Variants in SLC5A8 observed in about 807,000 individuals in gnomAD.
SLC5A8 encodes the protein sodium-coupled monocarboxylate transporter 1.
In SLC5A8, 55 loss-of-function variants were observed where a neutral mutation model predicts 71.9. That is an observed-to-expected ratio of 0.77 (90% confidence interval 0.62 to 0.96). The LOEUF is 0.96. SLC5A8 is among the 40% of genes least tolerant of loss of function. The probability of loss-of-function intolerance (pLI) is 0.00; values close to 1 mark genes in which losing one functional copy is unlikely to be tolerated. For synonymous variants in SLC5A8, 307 were observed against 276.1 expected (o/e 1.11, Z -1.11); for missense variants, 701 against 745.3 (o/e 0.94, Z 0.69).
At chr12:101,198,324 A>G (rs1339264025) in intron 3 of SLC5A8, among the ~76,000 whole-genome samples, 1 of 151,970 alleles carries the variant, frequency 6.6e-6, no homozygotes, top group Non-Finnish European at 1.5e-5. Context: ...TGAAATAGAA[A>G]ACAAAGAAAA....
intron 6 of SLC5A8, among the ~76,000 whole-genome samples, chr12:101,189,812 C>T (rs1169440512): frequency 6.6e-6 from 1 of 152,198 alleles, no homozygotes; most frequent in Non-Finnish European, 1.5e-5. Context: ...CCATCCTCCA[C>T]CTTCACATCA....
chr12:101,202,610 C>G (rs759380989), intron 2 of SLC5A8, among the ~76,000 whole-genome samples: 15 of 151,880 alleles, frequency 9.9e-5, no homozygotes, highest in Admixed American at 2.0e-4. Flanking sequence ...AACTGTTAAT[C>G]CCTGCATAAT....
chr12:101,171,988 T>C (rs1199923757), intron 10 of SLC5A8, among the ~76,000 whole-genome samples: 1 of 152,066 alleles, frequency 6.6e-6, no homozygotes, highest in Non-Finnish European at 1.5e-5. Flanking sequence ...TACAGAGCAA[T>C]GACAGGTGAA....
At chr12:101,158,915 G>T (rs541547884) in intron 13 of SLC5A8, among the ~76,000 whole-genome samples, 1 of 139,830 alleles carries the variant, frequency 7.2e-6, no homozygotes, top group East Asian at 2.1e-4. Flanking sequence ...GCTGACTGAC[G>T]TTTGATCCAA....
At chr12:101,158,199 A>T (rs1263673039) in intron 14 of SLC5A8, 50 bp downstream of exon 14, 1 of 1,254,472 alleles carries the variant, frequency 8.0e-7, no homozygotes. Flanking sequence ...TGTTCTATCC[A>T]GGTAATAAAG....
chr12:101,197,478 A>G (rs1566322894), intron 3 of SLC5A8, among the ~76,000 whole-genome samples: 1 of 152,176 alleles, frequency 6.6e-6, no homozygotes, highest in African/African-American at 2.4e-5. Context: ...TCTAACTACT[A>G]CTAGTAAACT....
chr12:101,159,833 G>T (rs1006084859), intron 13 of SLC5A8, among the ~76,000 whole-genome samples: 2 of 152,186 alleles, frequency 1.3e-5, no homozygotes, highest in Non-Finnish European at 2.9e-5. Context: ...AGGGAGACTG[G>T]TTAGGTGTAT....
In SLC5A8 at chr12:101,168,117, C is replaced by CA; in HGVS notation, c.1298dup (p.Leu433PhefsTer36). 5 of 1,609,288 alleles carry CA rather than the reference C, an allele frequency of 3.1e-6. No individual in the cohort carries two copies. Among genetic ancestry groups the CA allele is most frequent in the Non-Finnish European group, 4.2e-6 (5 of 1,177,640 alleles). ...TTACAATTGAGTTGGCAAAGGGAACCAAAATGCCCAAAGCGAACAGGCCCA... is the reference window on the plus strand; with the variant it reads ...TTACAATTGAGTTGGCAAAGGGAACCAAAAATGCCCAAAGCGAACAGGCCCA... On this transcript the variant is annotated frameshift_variant, in exon 11 of 15. Coordinates refer to ENST00000536262, the MANE Select transcript of SLC5A8 (RefSeq NM_145913.5). LOFTEE classifies it high-confidence loss of function.
chr12:101,179,976 T>A (rs1409775141), intron 10 of SLC5A8, 53 bp downstream of exon 10: 1 of 1,589,312 alleles, frequency 6.3e-7, no homozygotes, highest in African/African-American at 1.3e-5. Context: ...CACATCAACA[T>A]TGAAAAAAGA....
chr12:101,208,302 G>A (rs1869760484), intron 1 of SLC5A8, among the ~76,000 whole-genome samples: 1 of 152,172 alleles, frequency 6.6e-6, no homozygotes, highest in South Asian at 2.1e-4. Context: ...CAGGCAGAGT[G>A]TGTCACCAAT....
At chr12:101,196,980 G>A (rs533268752) in intron 3 of SLC5A8, among the ~76,000 whole-genome samples, 1 of 152,314 alleles carries the variant, frequency 6.6e-6, no homozygotes, top group Admixed American at 6.5e-5. Context: ...AAAATCAGGA[G>A]GAACTTAAGG....
At chr12:101,166,369 T>C (rs779460642) in intron 12 of SLC5A8, 125 bp downstream of exon 12, 34 of 691,122 alleles carry the variant, frequency 4.9e-5, no homozygotes, top group Non-Finnish European at 6.9e-5. Context: ...GCTAACCACA[T>C]GGGTTTTACT....
intron 3 of SLC5A8, among the ~76,000 whole-genome samples, chr12:101,198,829 G>C (rs1040249862): frequency 1.3e-5 from 2 of 151,886 alleles, no homozygotes; most frequent in South Asian, 4.1e-4. Flanking sequence ...ATATAAAAAG[G>C]ATAATACATT....
At chr12:101,187,798 G>T (rs915791843) in intron 6 of SLC5A8, among the ~76,000 whole-genome samples, 11 of 152,122 alleles carry the variant, frequency 7.2e-5, no homozygotes, top group Non-Finnish European at 1.0e-4. Flanking sequence ...CTTTATAAAG[G>T]TACCTAGTTA....
chr12:101,189,850 A>C (rs564714518), intron 6 of SLC5A8, among the ~76,000 whole-genome samples: 1 of 152,362 alleles, frequency 6.6e-6, no homozygotes, highest in Non-Finnish European at 1.5e-5. Flanking sequence ...AAAGGAACTT[A>C]CATATACTAG....
At chr12:101,161,567 A>G (rs1024448670) in intron 13 of SLC5A8, among the ~76,000 whole-genome samples, 1 of 152,262 alleles carries the variant, frequency 6.6e-6, no homozygotes, top group African/African-American at 2.4e-5. Flanking sequence ...TGGACCATGT[A>G]AAGATCACAG....
At chr12:101,201,305 T>C (rs1869446514) in intron 3 of SLC5A8, among the ~76,000 whole-genome samples, 1 of 152,208 alleles carries the variant, frequency 6.6e-6, no homozygotes, top group African/African-American at 2.4e-5. Flanking sequence ...AATAATATTG[T>C]TCACTTCAGA....
intron 10 of SLC5A8, among the ~76,000 whole-genome samples, chr12:101,177,976 T>C (rs904844202): frequency 6.6e-6 from 1 of 152,100 alleles, no homozygotes; most frequent in Admixed American, 6.5e-5. Flanking sequence ...ATGTAGAATA[T>C]CTCAAGGAAT....
At chr12:101,207,840 C>T (rs901184876) in intron 1 of SLC5A8, among the ~76,000 whole-genome samples, 1 of 152,124 alleles carries the variant, frequency 6.6e-6, no homozygotes, top group African/African-American at 2.4e-5. Flanking sequence ...GATCCCTTTA[C>T]CCCTGTCCAT....
Sources: gnomAD v4.1 joint callset for allele counts (sites outside exome capture counted in the v4.1 genomes callset) on GRCh38, gnomAD v4.1.1 for gene constraint, MANE v1.5 for transcripts, NCBI Gene and HGNC (gene_info 2026-07-23, HGNC 2026-07-21) for gene names.